GALNT17: variants seen among roughly 807,000 people sequenced by gnomAD.
GALNT17 encodes the protein UDP-GalNAc:polypeptide N-acetylgalactosaminyltransferase-like 3.
A neutral mutation model predicts 63.7 loss-of-function variants in GALNT17; 29 were observed. The ratio of observed to expected loss-of-function variants is 0.46; its 90% CI spans 0.34 to 0.62. The LOEUF (loss-of-function observed/expected upper bound fraction) is 0.62, where lower values mean the gene tolerates loss of function less well. GALNT17 is among the 20% of genes least tolerant of loss of function. The pLI is 0.01. For synonymous variants in GALNT17, 305 were observed against 318.3 expected, an observed-to-expected ratio of 0.96 and a Z score of 0.45; for missense variants, 603 against 799.6, an observed-to-expected ratio of 0.75 and a Z score of 2.97.
chr7:71,511,800 T>A (rs1788360493), intron 5 of GALNT17, among the ~76,000 whole-genome samples: 1 of 152,096 alleles, frequency 6.6e-6, no homozygotes, highest in Non-Finnish European at 1.5e-5. Context: ...AACAGACATC[T>A]CTGATGCTGT....
At chr7:71,144,964 G>A (rs191064673) in intron 1 of GALNT17, among the ~76,000 whole-genome samples, 6 of 152,220 alleles carry the variant, frequency 3.9e-5, no homozygotes, top group Admixed American at 2.0e-4. Context: ...TCCTGACTTC[G>A]TGATTTGCCC....
intron 1 of GALNT17, among the ~76,000 whole-genome samples, chr7:71,334,203 A>T (rs1264434342): frequency 6.6e-6 from 1 of 152,162 alleles, no homozygotes; most frequent in African/African-American, 2.4e-5. Flanking sequence ...CAGAAAATAA[A>T]TTTCTGTTTT....
chr7:71,444,318 C>A (rs1380001137), intron 5 of GALNT17, among the ~76,000 whole-genome samples: 7 of 152,176 alleles, frequency 4.6e-5, no homozygotes, highest in Non-Finnish European at 1.0e-4. Flanking sequence ...AACTCTTCTG[C>A]CTTCCCTCGC....
Position 71,628,175 on chromosome 7 carries a change from C to T in GALNT17, c.1081-37236C>T, listed in dbSNP as rs114910387. On this transcript the variant is annotated intron_variant, in intron 6 of 10. Transcript: ENST00000333538. Reference sequence around the variant, plus strand: ...ACCAGATCTTATTTCCAATCTATCACGCAATGATACTTTTATAAAATATAG... The same window carrying T: ...ACCAGATCTTATTTCCAATCTATCATGCAATGATACTTTTATAAAATATAG... Among the ~76,000 whole-genome samples, 1,366 of 151,776 alleles carry T rather than the reference C, an allele frequency of 9.0e-3. 34 individuals carry two copies. Among genetic ancestry groups the T allele is most frequent in the African/African-American group, 0.03 (1,255 of 41,378 alleles).
intron 6 of GALNT17, among the ~76,000 whole-genome samples, chr7:71,662,027 C>T (rs1164604944): frequency 6.6e-6 from 1 of 152,178 alleles, no homozygotes; most frequent in Admixed American, 6.5e-5. Flanking sequence ...GCTACATCCA[C>T]TTGAACCCTC....
intron 5 of GALNT17, among the ~76,000 whole-genome samples, chr7:71,538,000 C>T (rs191698101): frequency 6.6e-6 from 1 of 152,164 alleles, no homozygotes; most frequent in Admixed American, 6.5e-5. Context: ...GGACAGCCTG[C>T]CTACGCCTTG....
intron 1 of GALNT17, chr7:71,300,439 G>C (rs1791174039): frequency 2.2e-6 from 1 of 456,028 alleles, no homozygotes; most frequent in African/African-American, 2.0e-5. Flanking sequence ...AGCTGAAATG[G>C]CTGATCTTTT....
At chr7:71,217,799 G>T (rs975664732) in intron 1 of GALNT17, among the ~76,000 whole-genome samples, 3 of 151,916 alleles carry the variant, frequency 2.0e-5, no homozygotes, top group Non-Finnish European at 4.4e-5. Flanking sequence ...ATGGTAGCAG[G>T]TGCCTGTAGT....
intron 6 of GALNT17, among the ~76,000 whole-genome samples, chr7:71,663,124 A>G (rs1221372731): frequency 6.6e-6 from 1 of 152,126 alleles, no homozygotes; most frequent in Non-Finnish European, 1.5e-5. Context: ...AAATTTTGAA[A>G]TTGGGGAGTG....
chr7:71,296,060 C>A (rs4719108), intron 1 of GALNT17, among the ~76,000 whole-genome samples: 82,124 of 151,980 alleles, frequency 0.54, 22,573 homozygotes, highest in East Asian at 0.83. Flanking sequence ...TAGTCCTCTG[C>A]CATTTTTGTT....
At chr7:71,694,908 C>T (rs1791517151) in intron 9 of GALNT17, among the ~76,000 whole-genome samples, 1 of 152,182 alleles carries the variant, frequency 6.6e-6, no homozygotes. Context: ...CTGGTTGAGC[C>T]GTGGTACAGA....
chr7:71,504,003 C>T (rs1360886736), intron 5 of GALNT17, among the ~76,000 whole-genome samples: 3 of 151,916 alleles, frequency 2.0e-5, no homozygotes, highest in South Asian at 2.1e-4. Context: ...CCGAGGCGGG[C>T]GGATCATGAG....
chr7:71,341,204 G>A (rs779878075), intron 2 of GALNT17, among the ~76,000 whole-genome samples: 7 of 152,004 alleles, frequency 4.6e-5, no homozygotes, highest in Admixed American at 6.6e-5. Flanking sequence ...AAAATTAAAC[G>A]GAGATAAGTA....
intron 5 of GALNT17, among the ~76,000 whole-genome samples, chr7:71,524,921 C>A (rs1788599002): frequency 6.6e-6 from 1 of 152,150 alleles, no homozygotes. Flanking sequence ...ATTGTCAGAG[C>A]TAATAACCAC....
At chr7:71,246,371 C>G (rs1183096291) in intron 1 of GALNT17, among the ~76,000 whole-genome samples, 2 of 151,564 alleles carry the variant, frequency 1.3e-5, no homozygotes, top group African/African-American at 4.8e-5. Flanking sequence ...GATCTGCCTG[C>G]CTTGGTCTTC....
intron 8 of GALNT17, among the ~76,000 whole-genome samples, chr7:71,674,622 C>A (rs950024196): frequency 6.6e-6 from 1 of 152,060 alleles, no homozygotes; most frequent in Non-Finnish European, 1.5e-5. Flanking sequence ...CTGAAGCCAC[C>A]CTCCCACCTC....
rs115638773 is a variant in GALNT17 at position 71,166,649 on chromosome 7, T to A, written c.238+33609T>A. The stretch of plus-strand genomic sequence containing the variant: ...TCTGACTTCTTTCACTCTGCATAAT[T>A]GCAGTGTATCCATCGTTTATTTACT... On this transcript the variant is annotated intron_variant, in intron 1 of 10. Transcript: ENST00000333538. 3.2e-4 allele frequency among the ~76,000 whole-genome samples: 48 copies of A among 152,342 alleles called. 1 individual carries two copies. Among genetic ancestry groups the A allele is most frequent in the African/African-American group, 1.1e-3 (45 of 41,580 alleles).
At chr7:71,249,015 CA>C (rs1790150134) in intron 1 of GALNT17, among the ~76,000 whole-genome samples, 1 of 152,118 alleles carries the variant, frequency 6.6e-6, no homozygotes, top group Non-Finnish European at 1.5e-5. Flanking sequence ...AGGAGAAATT[CA>C]GTCAACAGTA....
At chr7:71,346,424 T>A (rs960016458) in intron 2 of GALNT17, among the ~76,000 whole-genome samples, 2 of 152,238 alleles carry the variant, frequency 1.3e-5, no homozygotes, top group East Asian at 3.9e-4. Context: ...TTTTTGTCGC[T>A]GTATGGCATG....
Sources: allele counts gnomAD v4.1 joint callset (sites outside exome capture counted in the v4.1 genomes callset), GRCh38; gene constraint gnomAD v4.1.1; transcripts MANE v1.5; gene names NCBI Gene and HGNC (gene_info 2026-07-23, HGNC 2026-07-21).